Variants in SOX5 observed in about 807,000 individuals in gnomAD.
SOX5 encodes SRY-box transcription factor 5.
In SOX5, 9 loss-of-function variants were observed where a neutral mutation model predicts 92.0. That is an observed-to-expected ratio of 0.10 (90% CI 0.06 to 0.17). The LOEUF (loss-of-function observed/expected upper bound fraction) is 0.17, where lower values mean the gene tolerates loss of function less well. SOX5 is among the 10% of genes least tolerant of loss of function. SOX5 has a pLI of 1.00. For missense variants in SOX5, 642 were observed against 944.5 expected (o/e 0.68, Z 4.20); for synonymous variants, 344 against 336.3 (o/e 1.02, Z -0.25).
intron 4 of SOX5, among the ~76,000 whole-genome samples, chr12:24,093,240 G>A (rs189890839): frequency 4.6e-5 from 7 of 152,084 alleles, no homozygotes; most frequent in Non-Finnish European, 7.4e-5. Flanking sequence ...CCTTCAAAGC[G>A]GCTGGGCGCG....
intron 6 of SOX5, among the ~76,000 whole-genome samples, chr12:23,726,142 A>T (rs1284447449): frequency 2.9e-3 from 69 of 23,844 alleles, no homozygotes; most frequent in African/African-American, 6.1e-3. Context: ...AGAGAGAGAG[A>T]GAGAGAGAGA....
At chr12:24,199,344 T>A (rs925434536) in intron 4 of SOX5, among the ~76,000 whole-genome samples, 1 of 152,222 alleles carries the variant, frequency 6.6e-6, no homozygotes, top group African/African-American at 2.4e-5. Context: ...CACCAAAATG[T>A]CGCAGTAATT....
chr12:23,965,432 G>T (rs1245844883), intron 4 of SOX5, among the ~76,000 whole-genome samples: 1 of 152,088 alleles, frequency 6.6e-6, no homozygotes, highest in Non-Finnish European at 1.5e-5. Flanking sequence ...AGATGGGGGG[G>T]ACCTCAGGCA....
intron 6 of SOX5, among the ~76,000 whole-genome samples, chr12:23,680,241 C>A (rs1276102937): frequency 1.3e-5 from 2 of 148,518 alleles, no homozygotes; most frequent in Non-Finnish European, 3.0e-5. Flanking sequence ...CATGAGAATA[C>A]CTTGAACCCA....
chr12:24,538,608 C>CAT (rs1356330306), intron 1 of SOX5, among the ~76,000 whole-genome samples: 1 of 121,802 alleles, frequency 8.2e-6, no homozygotes, highest in Non-Finnish European at 1.5e-5. Flanking sequence ...AACACACACA[C>CAT]ACACACACAC....
chr12:24,363,811 C>T (rs949344369), intron 2 of SOX5, among the ~76,000 whole-genome samples: 4 of 151,922 alleles, frequency 2.6e-5, no homozygotes, highest in Non-Finnish European at 5.9e-5. Context: ...TATGGAACAT[C>T]TCTGGAAAAT....
chr12:23,970,826 T>TATATATATATATATATATATA (rs1392995616), intron 4 of SOX5, among the ~76,000 whole-genome samples: 2 of 25,786 alleles, frequency 7.8e-5, no homozygotes, highest in East Asian at 3.3e-3. Context: ...ACATGGGACT[T>TATATATATATATATATATATA]TATATATATA....
intron 4 of SOX5, among the ~76,000 whole-genome samples, chr12:24,053,796 TTGAG>T (rs1354842228): frequency 6.6e-6 from 1 of 152,214 alleles, no homozygotes; most frequent in Non-Finnish European, 1.5e-5. Flanking sequence ...ATAGCTTTCA[TTGAG>T]TGTTATTAGA....
chr12:23,960,144 C>T lies in SOX5; in HGVS notation c.-1-64120G>A, dbSNP rs991059922. On this transcript the variant is annotated intron_variant, in intron 4 of 4. Transcript: ENST00000446891. ...AGAAAAGAATTGGAGAGAAACGGAC[C>T]CCAGCCATGTCCAATCAAGCCAACA... Among the ~76,000 whole-genome samples the T allele has an allele frequency of 3.3e-5, 5 of 152,086 alleles. No homozygotes were observed. The East Asian group carries it at 9.7e-4, about 30-fold the overall frequency.
At chr12:24,250,035 A>G (rs956986819) in intron 3 of SOX5, among the ~76,000 whole-genome samples, 4 of 152,198 alleles carry the variant, frequency 2.6e-5, no homozygotes, top group African/African-American at 9.6e-5. Flanking sequence ...CATTACATTC[A>G]GTGAATGAGA....
chr12:24,106,843 T>C (rs992862382), intron 4 of SOX5, among the ~76,000 whole-genome samples: 1 of 140,150 alleles, frequency 7.1e-6, no homozygotes, highest in African/African-American at 2.7e-5. Flanking sequence ...TAATAATAAA[T>C]AGAAGCATAT....
intron 3 of SOX5, among the ~76,000 whole-genome samples, chr12:23,760,490 T>C (rs1236919300): frequency 6.6e-6 from 1 of 152,142 alleles, no homozygotes; most frequent in Non-Finnish European, 1.5e-5. Flanking sequence ...GGCTCGCTAT[T>C]GTTTCTTTCT....
intron 2 of SOX5, among the ~76,000 whole-genome samples, chr12:24,364,878 CAG>C (rs1332459289): frequency 6.6e-6 from 1 of 151,944 alleles, no homozygotes; most frequent in East Asian, 1.9e-4. Context: ...TGGTGGCAAA[CAG>C]AGGTTTGGGG....
intron 4 of SOX5, among the ~76,000 whole-genome samples, chr12:24,097,251 G>A (rs1945535323): frequency 6.6e-6 from 1 of 152,054 alleles, no homozygotes; most frequent in Non-Finnish European, 1.5e-5. Flanking sequence ...TTGTTGAGTT[G>A]CAAGTATTAT....
chr12:24,076,390 A>T (rs370362473), intron 4 of SOX5, among the ~76,000 whole-genome samples: 1 of 152,242 alleles, frequency 6.6e-6, no homozygotes, highest in Non-Finnish European at 1.5e-5. Flanking sequence ...ATAATTTCAG[A>T]AACTTCAATC....
intron 1 of SOX5, among the ~76,000 whole-genome samples, chr12:24,437,354 G>C (rs996465706): frequency 1.3e-5 from 2 of 152,032 alleles, no homozygotes; most frequent in Non-Finnish European, 2.9e-5. Context: ...GTGAGACCTA[G>C]AACTATAAAA....
chr12:23,838,276 A>C lies in SOX5; in HGVS notation c.481+7707T>G, dbSNP rs531330070. ...TTCTACTATTCTTTTTTATGATACA[A>C]TTTTTGCTTTGTTACTGTTTTTTTT... On this transcript the variant is annotated intron_variant, in intron 3 of 14. Coordinates refer to ENST00000451604, the MANE Select transcript of SOX5 (RefSeq NM_006940.6). 3.5e-3 allele frequency among the ~76,000 whole-genome samples: 525 copies of C among 149,604 alleles called. 4 individuals carry two copies. The highest frequency in any genetic ancestry group is 0.012 in the African/African-American group (475 of 40,844).
chr12:24,039,218 A>C (rs1956305494), intron 4 of SOX5, among the ~76,000 whole-genome samples: 1 of 152,162 alleles, frequency 6.6e-6, no homozygotes, highest in African/African-American at 2.4e-5. Context: ...TAATGTAGCC[A>C]CCCGAAAAAA....
At chr12:23,648,513 A>G (rs375226371) in intron 7 of SOX5, among the ~76,000 whole-genome samples, 17 of 152,336 alleles carry the variant, frequency 1.1e-4, no homozygotes, top group East Asian at 5.8e-4. Context: ...AGTCATATGC[A>G]TGGTGACTTA....
Sources: gnomAD v4.1 joint callset for allele counts (sites outside exome capture counted in the v4.1 genomes callset) on GRCh38, gnomAD v4.1.1 for gene constraint, MANE v1.5 for transcripts, NCBI Gene and HGNC (gene_info 2026-07-23, HGNC 2026-07-21) for gene names.